The following HERC1 variants were observed in gnomAD, a reference collection of about 807,000 sequenced individuals.
HERC1 encodes HECT and RLD domain containing E3 ubiquitin protein ligase family member 1.
In HERC1, 160 loss-of-function variants were observed where a neutral mutation model predicts 554.3. The observed-to-expected ratio is 0.29, with a 90% CI of 0.25 to 0.33. The LOEUF (loss-of-function observed/expected upper bound fraction) is 0.33, where lower values mean the gene tolerates loss of function less well. Ranked by LOEUF, HERC1 falls within the 10% of genes least tolerant of loss-of-function variation. The pLI, the probability that HERC1 is intolerant of heterozygous loss-of-function variation, is 1.00. For synonymous variants in HERC1, 2,175 were observed against 2,131.7 expected, an observed-to-expected ratio of 1.02 and a Z score of -0.56; for missense variants, 4,919 against 5,918.5, an observed-to-expected ratio of 0.83 and a Z score of 5.54.
intron 61 of HERC1, among the ~76,000 whole-genome samples, chr15:63,639,020 T>C (rs1217725765): frequency 6.6e-6 from 1 of 152,236 alleles, no homozygotes; most frequent in African/African-American, 2.4e-5. Flanking sequence ...AAGCTAGCCA[T>C]GTGTTTTCTG....
At chr15:63,720,436 T>TAAACA (rs1432095910) in intron 19 of HERC1, among the ~76,000 whole-genome samples, 2 of 152,254 alleles carry the variant, frequency 1.3e-5, no homozygotes, top group African/African-American at 2.4e-5. Context: ...GGGCTACTTA[T>TAAACA]AAACAAAACA....
chr15:63,643,091 T>C lies in HERC1; in HGVS notation c.11332-33A>G, dbSNP rs763332375. 26 of 1,248,614 alleles carry C rather than the reference T, an allele frequency of 2.1e-5. No homozygotes were observed. The Middle Eastern group carries it at 5.5e-4, about 27-fold the overall frequency. The allele number at this position is 1,248,614 out of a possible 1,614,324, so 77.3% of individuals were successfully genotyped here. On this transcript the variant is annotated intron_variant, in intron 58 of 77. Transcript: ENST00000443617. ...GAGATATATTTACCAATACACACCATTGAACTGTAGGTATAATTTACATTT... is the reference window on the plus strand; with the variant it reads ...GAGATATATTTACCAATACACACCACTGAACTGTAGGTATAATTTACATTT...
At chr15:63,648,239 A>G (rs1199996468) in intron 54 of HERC1, 40 bp from the exon 55 acceptor site, 1 of 1,557,760 alleles carries the variant, frequency 6.4e-7, no homozygotes, top group Non-Finnish European at 8.7e-7. Flanking sequence ...AAAGATAATT[A>G]TTTGTCATTG....
At chr15:63,724,427 G>T (rs1048216967) in intron 18 of HERC1, among the ~76,000 whole-genome samples, 3 of 152,148 alleles carry the variant, frequency 2.0e-5, no homozygotes, top group African/African-American at 7.2e-5. Flanking sequence ...TTTGGAAATG[G>T]AGGAAAATCC....
At chr15:63,773,893 G>A (rs532423042) in intron 2 of HERC1, among the ~76,000 whole-genome samples, 30 of 152,152 alleles carry the variant, frequency 2.0e-4, no homozygotes, top group African/African-American at 7.2e-4. Flanking sequence ...TTTCACAAAG[G>A]TATATTTCAG....
chr15:63,725,316 C>T lies in HERC1; in HGVS notation c.3544G>A (p.Val1182Ile). 6.2e-7 allele frequency: 1 copy of T among 1,613,806 alleles called. No individual in the cohort carries two copies. Among genetic ancestry groups the T allele is most frequent in the Non-Finnish European group, 8.5e-7 (1 of 1,179,762 alleles). Residue 1182 changes from valine to isoleucine, a missense_variant, in exon 18 of 78, where the codon GTA becomes ATA. Val to Ile is a conservative substitution (Grantham distance 29). Transcript: ENST00000443617. The part of the protein sequence containing the change: ...WMKTPLFSDG[V>I]EMDTPQLDKC... ...CCCAATTGAGGAGTGTCCATTTCTA[C>T]ACCGTCACTGAACAGTGGCGTTTTC...
chr15:63,699,739 G>T (rs2072619720), intron 25 of HERC1, among the ~76,000 whole-genome samples: 2 of 149,516 alleles, frequency 1.3e-5, no homozygotes, highest in Admixed American at 1.4e-4. Context: ...AGATTTGCCA[G>T]TGGGTATTTT....
At position 63,665,899 on chromosome 15, in the gene HERC1, T is replaced by A; in HGVS notation, c.8555+20A>T. ...AAATTTATAACACATGGAACAAAAG[T>A]ACAGAAACTGGAATTTCACCTTTCA... On this transcript the variant is annotated intron_variant, in intron 42 of 77. Transcript: ENST00000443617. 1 of 1,582,794 alleles carries A rather than the reference T, an allele frequency of 6.3e-7. No individual in the cohort carries two copies. Among genetic ancestry groups the A allele is most frequent in the South Asian group, 1.1e-5 (1 of 89,864 alleles).
At chr15:63,752,733 A>T in intron 8 of HERC1, 1 of 404,002 alleles carries the variant, frequency 2.5e-6, no homozygotes, top group Non-Finnish European at 4.4e-6. Context: ...AGTTTAATAC[A>T]AAGAACAGAG....
chr15:63,802,679 G>A (rs766456591), intron 1 of HERC1, among the ~76,000 whole-genome samples: 1 of 152,014 alleles, frequency 6.6e-6, no homozygotes, highest in Non-Finnish European at 1.5e-5. Context: ...CCAATGAAAA[G>A]AAAGGTTAGA....
intron 2 of HERC1, among the ~76,000 whole-genome samples, chr15:63,766,074 C>G (rs371315853): frequency 7.2e-5 from 11 of 152,192 alleles, no homozygotes; most frequent in East Asian, 3.9e-4. Flanking sequence ...ACTATAGCCT[C>G]AACCTCCTGG....
intron 14 of HERC1, among the ~76,000 whole-genome samples, chr15:63,730,836 G>T (rs1234217883): frequency 1.3e-5 from 2 of 152,156 alleles, no homozygotes; most frequent in Non-Finnish European, 2.9e-5. Flanking sequence ...TCCTCTGTGA[G>T]TTTTAAATTA....
intron 2 of HERC1, among the ~76,000 whole-genome samples, chr15:63,773,043 G>C (rs1306930721): frequency 6.6e-6 from 1 of 152,134 alleles, no homozygotes; most frequent in African/African-American, 2.4e-5. Context: ...GTTGCGGGTA[G>C]GGGGAGACTT....
chr15:63,771,091 A>T (rs984309480), intron 2 of HERC1, among the ~76,000 whole-genome samples: 1 of 152,042 alleles, frequency 6.6e-6, no homozygotes, highest in Non-Finnish European at 1.5e-5. Context: ...GGGGAGGCTG[A>T]GGCACGAGAA....
At chr15:63,649,666 G>T (rs2152881585) in intron 54 of HERC1, 59 bp downstream of exon 54, 3 of 1,389,496 alleles carry the variant, frequency 2.2e-6, no homozygotes, top group East Asian at 4.8e-5. Context: ...ATGCCAAAAA[G>T]CTAAGTCTAG....
Position 63,649,897 on chromosome 15 carries a change from A to T in HERC1, c.10575T>A (p.Pro3525=). The change falls in exon 54 of 78, where the codon CCT becomes CCA. Residue 3525 remains proline, a synonymous_variant. Transcript: ENST00000443617. ...NGGKGLVDIQ[P]HWVSALAWPE... is the part of the protein sequence containing the mutation. ...GCCAAGCCAGGGCAGATACCCAATG[A>T]GGCTGAATATCTACTAATCCTTTTC... is the stretch of plus-strand genomic sequence containing the variant. 6.2e-7 allele frequency: 1 copy of T among 1,610,312 alleles called. No individual in the cohort carries two copies. The highest frequency in any genetic ancestry group is 8.5e-7 in the Non-Finnish European group (1 of 1,178,164).
intron 1 of HERC1, among the ~76,000 whole-genome samples, chr15:63,797,538 T>A (rs2076848940): frequency 6.6e-6 from 1 of 152,230 alleles, no homozygotes; most frequent in Non-Finnish European, 1.5e-5. Flanking sequence ...ATCATTTTTT[T>A]TTCCCTGACC....
intron 3 of HERC1, among the ~76,000 whole-genome samples, chr15:63,763,481 T>C (rs911328151): frequency 6.6e-6 from 1 of 151,606 alleles, no homozygotes; most frequent in African/African-American, 2.4e-5. Flanking sequence ...CTGTGGGAAA[T>C]GCTACAGCCT....
At chr15:63,729,468 A>T (rs2074185720) in intron 15 of HERC1, 29 bp downstream of exon 15, 8 of 1,607,016 alleles carry the variant, frequency 5.0e-6, no homozygotes, top group Non-Finnish European at 6.8e-6. Flanking sequence ...TCCCTGATAG[A>T]TCACCATAAA....
Sources: gnomAD v4.1 joint callset for allele counts (sites outside exome capture counted in the v4.1 genomes callset) on GRCh38, gnomAD v4.1.1 for gene constraint, MANE v1.5 for transcripts, NCBI Gene and HGNC (gene_info 2026-07-23, HGNC 2026-07-21) for gene names.